Variants in LIN52 observed in about 807,000 individuals in gnomAD.
LIN52 encodes protein lin-52 homolog.
LIN52 carries 4 observed loss-of-function variants against 18.5 expected under a neutral mutation model. That is an observed-to-expected ratio of 0.22 (90% CI 0.11 to 0.49). The LOEUF is 0.49. Ranked by LOEUF, LIN52 falls within the 20% of genes least tolerant of loss-of-function variation. LIN52 has a pLI of 0.97. For synonymous variants in LIN52, 34 were observed against 45.5 expected (o/e 0.75, Z 1.02); for missense variants, 102 against 139.5 (o/e 0.73, Z 1.35).
rs962672471 is a variant in LIN52 at position 74,097,949 on chromosome 14, T to C, written c.199+89T>C. 1.1e-5 allele frequency: 11 copies of C among 971,984 alleles called. No homozygotes were observed. The African/African-American group carries it at 1.8e-4, about 16-fold the overall frequency. 60.2% of individuals were successfully genotyped at this position (971,984 alleles called of 1,614,324 possible). A position where few individuals can be genotyped will look rare whatever the true frequency, so the allele number is the denominator to read the frequency against. On this transcript the variant is annotated intron_variant, in intron 4 of 5. Transcript: ENST00000555028. Reference sequence around the variant, plus strand: ...TTTTTTTTTTCTGTTTCCTTACAAGTATTTTTGGCTTCAGACTTCTCATTT... The same window carrying C: ...TTTTTTTTTTCTGTTTCCTTACAAGCATTTTTGGCTTCAGACTTCTCATTT...
chr14:74,103,543 C>G (rs1287183966), intron 5 of LIN52, among the ~76,000 whole-genome samples: 1 of 149,994 alleles, frequency 6.7e-6, no homozygotes, highest in African/African-American at 2.5e-5. Flanking sequence ...AGCGATTCTC[C>G]TGCCTCAGCC....
intron 1 of LIN52, among the ~76,000 whole-genome samples, chr14:74,088,191 A>C (rs2060748385): frequency 6.6e-6 from 1 of 152,162 alleles, no homozygotes; most frequent in Non-Finnish European, 1.5e-5. Context: ...CCTGGGTTCA[A>C]GTAATTCTCA....
Position 74,157,894 on chromosome 14 carries a change from T to C in LIN52, c.284-41028T>C, listed in dbSNP as rs17097533. Among the ~76,000 whole-genome samples the C allele has an allele frequency of 8.7e-3, 1,326 of 152,270 alleles. 19 individuals carry two copies. The highest frequency in any genetic ancestry group is 0.031 in the African/African-American group (1,269 of 41,554). ...ATGGAAGAACAAATGTGGAACTTCTTGGTCTCAGATTAAGGGCTTTGTGCA... is the reference window on the plus strand; with the variant it reads ...ATGGAAGAACAAATGTGGAACTTCTCGGTCTCAGATTAAGGGCTTTGTGCA... On this transcript the variant is annotated intron_variant, in intron 5 of 5. Coordinates refer to ENST00000555028, the MANE Select transcript of LIN52 (RefSeq NM_001024674.3).
chr14:74,166,027 G>A (rs1274882536), intron 5 of LIN52, among the ~76,000 whole-genome samples: 5 of 151,540 alleles, frequency 3.3e-5, no homozygotes, highest in Non-Finnish European at 7.4e-5. Context: ...GAGTAGCTGG[G>A]ATTACAGGCA....
At chr14:74,095,737 C>T (rs146401396) in intron 2 of LIN52, among the ~76,000 whole-genome samples, 17 of 152,186 alleles carry the variant, frequency 1.1e-4, no homozygotes, top group African/African-American at 3.9e-4. Context: ...CTTTTTATGC[C>T]CCCTGGGTCT....
At chr14:74,196,487 G>A (rs1242050694) in intron 5 of LIN52, among the ~76,000 whole-genome samples, 5 of 152,126 alleles carry the variant, frequency 3.3e-5, no homozygotes, top group African/African-American at 9.7e-5. Flanking sequence ...TATTGACCGT[G>A]TCTGGTTTCC....
intron 5 of LIN52, among the ~76,000 whole-genome samples, chr14:74,136,906 T>C (rs1338419867): frequency 6.6e-6 from 1 of 152,156 alleles, no homozygotes; most frequent in Non-Finnish European, 1.5e-5. Context: ...GGGATAATTA[T>C]TGGGTTAAAA....
intron 5 of LIN52, among the ~76,000 whole-genome samples, chr14:74,141,579 G>A (rs1237574485): frequency 6.6e-6 from 1 of 152,142 alleles, no homozygotes; most frequent in Non-Finnish European, 1.5e-5. Context: ...CTTACTTCAG[G>A]AATGTTACAT....
chr14:74,097,917 C>G, intron 4 of LIN52, 57 bp downstream of exon 4: 1 of 1,301,300 alleles, frequency 7.7e-7, no homozygotes, highest in Non-Finnish European at 1.1e-6. Flanking sequence ...CATAGACCAC[C>G]TCTCTATTTT....
chr14:74,179,520 G>C (rs1966401), intron 5 of LIN52, among the ~76,000 whole-genome samples: 1 of 151,766 alleles, frequency 6.6e-6, no homozygotes, highest in African/African-American at 2.4e-5. Flanking sequence ...TTAGCTGTGC[G>C]TGGTGGCACA....
At chr14:74,096,021 A>C in intron 3 of LIN52, 36 bp downstream of exon 3, 1 of 1,465,922 alleles carries the variant, frequency 6.8e-7, no homozygotes, top group Non-Finnish European at 9.4e-7. Flanking sequence ...GGTCAATCCA[A>C]AGTTTCGCTC....
chr14:74,193,769 G>GTGGCC (rs1449662997), intron 5 of LIN52, among the ~76,000 whole-genome samples: 75 of 152,204 alleles, frequency 4.9e-4, no homozygotes, highest in South Asian at 6.2e-4. Flanking sequence ...CAGGGTCAAT[G>GTGGCC]TAAGAGCTGA....
intron 5 of LIN52, among the ~76,000 whole-genome samples, chr14:74,168,426 T>C (rs1199455035): frequency 2.0e-5 from 3 of 152,146 alleles, no homozygotes; most frequent in Admixed American, 6.5e-5. Flanking sequence ...CCCAGCACTT[T>C]GGGAGGCTGA....
At chr14:74,166,089 C>T (rs2061248655) in intron 5 of LIN52, among the ~76,000 whole-genome samples, 3 of 151,842 alleles carry the variant, frequency 2.0e-5, no homozygotes. Context: ...CGGGGTTTCT[C>T]CATGTTGATC....
intron 5 of LIN52, among the ~76,000 whole-genome samples, chr14:74,185,173 G>C (rs1406841719): frequency 6.6e-6 from 1 of 152,020 alleles, no homozygotes; most frequent in Middle Eastern, 3.4e-3. Context: ...CCTGTTCTAT[G>C]AACAGGGTAG....
intron 2 of LIN52, among the ~76,000 whole-genome samples, chr14:74,094,358 C>G (rs544679895): frequency 6.6e-6 from 1 of 152,016 alleles, no homozygotes; most frequent in South Asian, 2.1e-4. Context: ...CTCCTGGGCT[C>G]AAGTGATCCT....
intron 5 of LIN52, among the ~76,000 whole-genome samples, chr14:74,131,626 C>T (rs1422054031): frequency 6.6e-6 from 1 of 152,120 alleles, no homozygotes; most frequent in Admixed American, 6.5e-5. Context: ...TAGGCTTAAA[C>T]TTTTTAATAC....
chr14:74,175,742 ACACACACACC>A (rs1417540609), intron 5 of LIN52, among the ~76,000 whole-genome samples: 17 of 141,428 alleles, frequency 1.2e-4, no homozygotes, highest in South Asian at 8.5e-4. Context: ...ACACACACAC[ACACACACACC>A]CCCATTATAC....
chr14:74,108,643 A>C (rs1300169012), intron 5 of LIN52, among the ~76,000 whole-genome samples: 2 of 152,148 alleles, frequency 1.3e-5, no homozygotes, highest in Non-Finnish European at 2.9e-5. Context: ...TCTAGTAATA[A>C]TGGTGTTTAG....
Sources: allele counts gnomAD v4.1 joint callset (sites outside exome capture counted in the v4.1 genomes callset), GRCh38; gene constraint gnomAD v4.1.1; transcripts MANE v1.5; gene names NCBI Gene and HGNC (gene_info 2026-07-23, HGNC 2026-07-21).